The following FER variants were observed in gnomAD, a reference collection of about 807,000 sequenced individuals.
FER encodes tyrosine-protein kinase Fer.
In FER, 63 loss-of-function variants were observed where a neutral mutation model predicts 111.0. That is an observed-to-expected ratio of 0.57 (90% CI 0.46 to 0.70). FER has a LOEUF of 0.70. FER is among the 30% of genes least tolerant of loss of function. The probability of loss-of-function intolerance (pLI) is 0.00; values close to 1 mark genes in which losing one functional copy is unlikely to be tolerated. For missense variants in FER, 914 were observed against 954.0 expected, an observed-to-expected ratio of 0.96 and a Z score of 0.55; for synonymous variants, 327 against 313.9, an observed-to-expected ratio of 1.04 and a Z score of -0.44.
chr5:109,107,024 A>T (rs1186331531), intron 17 of FER, among the ~76,000 whole-genome samples: 1 of 152,156 alleles, frequency 6.6e-6, no homozygotes, highest in Non-Finnish European at 1.5e-5. Context: ...GAGCACACTG[A>T]AAGTCCTTGA....
intron 13 of FER, among the ~76,000 whole-genome samples, chr5:109,019,663 G>C (rs1767668611): frequency 6.6e-6 from 1 of 151,692 alleles, no homozygotes; most frequent in African/African-American, 2.4e-5. Flanking sequence ...TGATTCTGAT[G>C]CAGGCTAAAG....
chr5:109,085,798 C>G (rs13187399), intron 16 of FER, among the ~76,000 whole-genome samples: 220 of 151,794 alleles, frequency 1.4e-3, no homozygotes, highest in Admixed American at 5.6e-3. Context: ...TTTCCTGTAT[C>G]TATTGATACG....
chr5:109,072,768 T>G (rs1393475637), intron 16 of FER, among the ~76,000 whole-genome samples: 2 of 152,094 alleles, frequency 1.3e-5, no homozygotes, highest in Middle Eastern at 3.4e-3. Flanking sequence ...CAACAGAAAT[T>G]TATTCTCTCA....
intron 13 of FER, among the ~76,000 whole-genome samples, chr5:109,019,173 C>T (rs985634647): frequency 4.6e-5 from 7 of 151,538 alleles, no homozygotes; most frequent in African/African-American, 1.7e-4. Context: ...AGATGGGCTC[C>T]AGTGTATGCT....
intron 10 of FER, among the ~76,000 whole-genome samples, chr5:108,923,936 A>C (rs190490058): frequency 4.2e-4 from 64 of 152,328 alleles, no homozygotes; most frequent in African/African-American, 1.5e-3. Context: ...GCTATCTGCA[A>C]GGTTTTGTTT....
chr5:108,877,484 A>G (rs2150264504), intron 8 of FER, among the ~76,000 whole-genome samples: 1 of 152,354 alleles, frequency 6.6e-6, no homozygotes. Context: ...TGTAGAAGCC[A>G]TCTTCTGTTT....
At chr5:108,786,048 T>A (rs1267203177) in intron 2 of FER, among the ~76,000 whole-genome samples, 1 of 152,226 alleles carries the variant, frequency 6.6e-6, no homozygotes, top group African/African-American at 2.4e-5. Flanking sequence ...TTCTGTGGCA[T>A]GTGAGTGTGC....
intron 12 of FER, among the ~76,000 whole-genome samples, chr5:108,958,767 T>A (rs1317354474): frequency 1.3e-5 from 2 of 151,886 alleles, no homozygotes; most frequent in Non-Finnish European, 3.0e-5. Flanking sequence ...TTAAAATATT[T>A]ACCATCAGAT....
intron 10 of FER, among the ~76,000 whole-genome samples, chr5:108,905,155 C>T (rs1428731687): frequency 3.3e-5 from 5 of 152,018 alleles, no homozygotes; most frequent in Non-Finnish European, 5.9e-5. Context: ...ATGCCAGAAA[C>T]ACTCTTTTTC....
At chr5:108,844,108 A>ATGTGTGTGAACACATATG (rs1761606830) in intron 5 of FER, among the ~76,000 whole-genome samples, 1 of 92,534 alleles carries the variant, frequency 1.1e-5, no homozygotes, top group African/African-American at 4.5e-5. Flanking sequence ...GTGTGTGAAC[A>ATGTGTGTGAACACATATG]TGTGTGTGAA....
rs1245649959 is a variant in FER at position 108,971,492 on chromosome 5, A to T, written c.1656+12145A>T. Among the ~76,000 whole-genome samples, 3 of 152,126 alleles carry T rather than the reference A, an allele frequency of 2.0e-5. No individual in the cohort carries two copies. In the East Asian group the frequency reaches 5.8e-4, roughly 29 times the overall value. Reference sequence around the variant, plus strand: ...ATTTCATGATTAGAAAGGAAGAAGGATTTTAATTTGTTTAAAGCAAAATTT... The same window carrying T: ...ATTTCATGATTAGAAAGGAAGAAGGTTTTTAATTTGTTTAAAGCAAAATTT... On this transcript the variant is annotated intron_variant, in intron 13 of 19. Coordinates refer to ENST00000281092, the MANE Select transcript of FER (RefSeq NM_005246.4).
intron 16 of FER, among the ~76,000 whole-genome samples, chr5:109,060,787 T>TATATATATAC (rs571418220): frequency 7.3e-4 from 109 of 149,798 alleles, no homozygotes; most frequent in African/African-American, 2.2e-3. Flanking sequence ...TATATATATA[T>TATATATATAC]ACACACCAAA....
Position 109,166,883 on chromosome 5 carries a change from T to C in FER, c.2049-13864T>C, listed in dbSNP as rs545393854. Among the ~76,000 whole-genome samples the C allele has an allele frequency of 5.9e-5, 9 of 152,272 alleles. No individual in the cohort carries two copies. The South Asian group carries it at 1.9e-3, about 32-fold the overall frequency. ...TTCCAGAAAGACAAAAGTTGGAAGC[T>C]GCAAGGTCTCTTGTGGCCTACACTC... On this transcript the variant is annotated intron_variant, in intron 17 of 19. Transcript: ENST00000281092.
chr5:108,965,324 C>T (rs2149682245), intron 13 of FER, among the ~76,000 whole-genome samples: 1 of 152,256 alleles, frequency 6.6e-6, no homozygotes, highest in East Asian at 1.9e-4. Context: ...ACAATAACCT[C>T]ACTTGTTATA....
chr5:108,946,061 A>T, intron 10 of FER, 69 bp from the exon 11 acceptor site: 1 of 1,054,076 alleles, frequency 9.5e-7, no homozygotes, highest in Non-Finnish European at 1.5e-6. Context: ...ATAAGTACCT[A>T]AATACATAAA....
At chr5:108,888,925 C>G (rs1345879709) in intron 9 of FER, among the ~76,000 whole-genome samples, 1 of 151,800 alleles carries the variant, frequency 6.6e-6, no homozygotes, top group Non-Finnish European at 1.5e-5. Context: ...CACTAAAAAT[C>G]AAAACCAGGA....
intron 12 of FER, among the ~76,000 whole-genome samples, chr5:108,957,224 G>T (rs1238380106): frequency 1.3e-5 from 2 of 151,492 alleles, no homozygotes; most frequent in Non-Finnish European, 3.0e-5. Context: ...GCATAGAAAT[G>T]AATACTGGAA....
Position 109,029,524 on chromosome 5 carries a change from G to A in FER, c.1657-7898G>A, listed in dbSNP as rs191647212. On this transcript the variant is annotated intron_variant, in intron 13 of 19. Transcript: ENST00000281092. ...TGGCCTGAAGCAATCCTCCTGCCTC[G>A]GCTTCCCAAAGTGCTAGGGTGAGCC... Among the ~76,000 whole-genome samples, 411 of 145,904 alleles carry A rather than the reference G, an allele frequency of 2.8e-3. 4 individuals are homozygous for A. The highest frequency in any genetic ancestry group is 8.7e-3 in the African/African-American group (339 of 39,004).
intron 9 of FER, among the ~76,000 whole-genome samples, chr5:108,885,935 TA>T (rs1476263385): frequency 2.6e-5 from 4 of 151,984 alleles, no homozygotes; most frequent in Non-Finnish European, 4.4e-5. Context: ...ATTGCACATA[TA>T]AAATTAAACA....
Sources: gnomAD v4.1 joint callset for allele counts (sites outside exome capture counted in the v4.1 genomes callset) on GRCh38, gnomAD v4.1.1 for gene constraint, MANE v1.5 for transcripts, NCBI Gene and HGNC (gene_info 2026-07-23, HGNC 2026-07-21) for gene names.